The following RTL4 variants were observed in gnomAD, a reference collection of about 807,000 sequenced individuals.
RTL4 encodes the protein retrotransposon Gag-like protein 4.
RTL4 carries 4 observed loss-of-function variants against 5.3 expected under a neutral mutation model. The observed-to-expected ratio is 0.75, with a 90% CI of 0.37 to 1.72. RTL4 has a LOEUF of 1.72. Among genes scored for constraint, RTL4 ranks in the 40% most tolerant of loss-of-function variants. RTL4 has a pLI of 0.04. For synonymous variants in RTL4, 98 were observed against 87.3 expected (o/e 1.12, Z -0.68); for missense variants, 260 against 227.1 (o/e 1.14, Z -0.93).
At position 112,455,543 on chromosome X, in the gene RTL4, C is replaced by G. The variant is rs781193899; in HGVS notation, c.815C>G (p.Ala272Gly). 3 of 1,211,568 alleles carry G rather than the reference C, an allele frequency of 2.5e-6. No individual in the cohort carries two copies. The South Asian group carries it at 5.3e-5, about 21-fold the overall frequency. The change falls in exon 1 of 1, where the codon GCC (alanine) becomes GGC (glycine). Residue 272 changes from alanine (A) to glycine (G), a missense_variant. Transcript: ENST00000340433. ...CTGCCTCTCACCCCAGCCAAACGAGCCCGCCAGCAAGAAACTCAGTTGTGC... is the reference window on the plus strand; with the variant it reads ...CTGCCTCTCACCCCAGCCAAACGAGGCCGCCAGCAAGAAACTCAGTTGTGC...
the RTL4 span, among the ~76,000 whole-genome samples, chrX:112,269,787 A>G: frequency 9.0e-6 from 1 of 111,530 alleles, no homozygotes; most frequent in Non-Finnish European, 1.9e-5. Flanking sequence ...AAGACAATTC[A>G]TTTTTCAAAT....
the RTL4 span, among the ~76,000 whole-genome samples, chrX:112,297,086 T>C: frequency 4.5e-5 from 5 of 110,835 alleles, no homozygotes; most frequent in African/African-American, 9.9e-5. Flanking sequence ...GAGCTCTGTC[T>C]CATCTGTCAT....
chrX:112,105,496 A>G, the RTL4 span, among the ~76,000 whole-genome samples: 1 of 111,325 alleles, frequency 9.0e-6, no homozygotes, highest in African/African-American at 3.3e-5. Flanking sequence ...AGATTTTAAC[A>G]AGACTAATTC....
At chrX:112,230,330 T>C in the RTL4 span, among the ~76,000 whole-genome samples, 18 of 112,490 alleles carry the variant, frequency 1.6e-4, no homozygotes, top group African/African-American at 4.8e-4. Flanking sequence ...CTCTGAGCCA[T>C]GTGGGGGATA....
chrX:112,154,155 C>T, the RTL4 span, among the ~76,000 whole-genome samples: 1 of 111,348 alleles, frequency 9.0e-6, no homozygotes, highest in African/African-American at 3.3e-5. Context: ...ATTTACCGTA[C>T]TTTTCAATTC....
At chrX:112,324,629 T>A in the RTL4 span, among the ~76,000 whole-genome samples, 5 of 111,760 alleles carry the variant, frequency 4.5e-5, no homozygotes, top group African/African-American at 1.6e-4. Context: ...TTTAGATCCC[T>A]CTATGTTTTG....
chrX:112,453,333 T>A (rs748696766), upstream of RTL4, among the ~76,000 whole-genome samples: 2 of 112,087 alleles, frequency 1.8e-5, no homozygotes, highest in South Asian at 7.4e-4. Context: ...ATGAGAGGAA[T>A]TGAAGTGCAG....
the RTL4 span, among the ~76,000 whole-genome samples, chrX:112,092,912 G>T: frequency 2.7e-5 from 3 of 111,310 alleles, no homozygotes; most frequent in Non-Finnish European, 5.7e-5. Flanking sequence ...CCAGTCTCAG[G>T]TATGTCTTTA....
chrX:112,205,062 C>T, the RTL4 span, among the ~76,000 whole-genome samples: 1 of 111,923 alleles, frequency 8.9e-6, no homozygotes, highest in Non-Finnish European at 1.9e-5. Context: ...TACTTTTATT[C>T]CACTTATAGT....
At chrX:112,431,747 T>C in the RTL4 span, among the ~76,000 whole-genome samples, 1 of 110,265 alleles carries the variant, frequency 9.1e-6, no homozygotes, top group Non-Finnish European at 1.9e-5. Flanking sequence ...ATTATTATTG[T>C]ATGTTAAGTT....
chrX:112,424,999 G>C, the RTL4 span, among the ~76,000 whole-genome samples: 4,035 of 110,695 alleles, frequency 0.036, 82 homozygotes, highest in Admixed American at 0.086. Flanking sequence ...TATGTGTTTT[G>C]ATAAATGTAT....
chrX:112,236,433 AGATCTATATC>A, the RTL4 span, among the ~76,000 whole-genome samples: 1 of 80,065 alleles, frequency 1.2e-5, no homozygotes, highest in Non-Finnish European at 2.3e-5. Flanking sequence ...ATATAGATAT[AGATCTATATC>A]TATATATAGA....
the RTL4 span, among the ~76,000 whole-genome samples, chrX:112,115,817 A>G: frequency 1.9e-4 from 21 of 112,388 alleles, no homozygotes; most frequent in Non-Finnish European, 3.0e-4. Context: ...CTCGGAGAAT[A>G]GAGGTGGGAG....
chrX:112,304,465 T>G, the RTL4 span, among the ~76,000 whole-genome samples: 1 of 110,429 alleles, frequency 9.1e-6, no homozygotes, highest in Non-Finnish European at 1.9e-5. Context: ...TTTAAAATTT[T>G]TTAAAGGACC....
At chrX:112,429,897 T>C in the RTL4 span, among the ~76,000 whole-genome samples, 1 of 111,849 alleles carries the variant, frequency 8.9e-6, no homozygotes, top group Admixed American at 9.5e-5. Flanking sequence ...GGTGTCTGAA[T>C]AGAAATGTGA....
chrX:112,093,839 C>G, the RTL4 span, among the ~76,000 whole-genome samples: 1 of 111,508 alleles, frequency 9.0e-6, no homozygotes, highest in Non-Finnish European at 1.9e-5. Flanking sequence ...GTGAGAACAC[C>G]TAGGCAAAAG....
chrX:112,291,411 T>C, the RTL4 span, among the ~76,000 whole-genome samples: 201 of 89,826 alleles, frequency 2.2e-3, 1 homozygote, highest in South Asian at 4.5e-3. Flanking sequence ...CACACACACA[T>C]GCACACATTG....
the RTL4 span, among the ~76,000 whole-genome samples, chrX:112,261,293 G>A: frequency 1.1e-4 from 12 of 111,345 alleles, no homozygotes; most frequent in Middle Eastern, 4.6e-3. Context: ...TTAGAAAACC[G>A]TATCATCTCA....
the RTL4 span, among the ~76,000 whole-genome samples, chrX:112,265,777 A>G: frequency 1.0e-5 from 1 of 97,673 alleles, no homozygotes; most frequent in South Asian, 4.8e-4. Context: ...TTCCCTTCCC[A>G]TTTTCCCCTC....
Sources: allele counts gnomAD v4.1 joint callset (sites outside exome capture counted in the v4.1 genomes callset), GRCh38; gene constraint gnomAD v4.1.1; transcripts MANE v1.5; gene names NCBI Gene and HGNC (gene_info 2026-07-23, HGNC 2026-07-21).